ZNF215: variants seen among roughly 807,000 people sequenced by gnomAD.
ZNF215 encodes the protein BWSCR2-associated zinc finger protein 2.
In ZNF215, 24 loss-of-function variants were observed where a neutral mutation model predicts 27.2. The observed-to-expected ratio is 0.88, with a 90% CI of 0.64 to 1.24. The LOEUF is 1.24. Among genes scored for constraint, ZNF215 ranks in the 50% most tolerant of loss-of-function variants. ZNF215 has a pLI of 0.00. For missense variants in ZNF215, 675 were observed against 605.7 expected, an observed-to-expected ratio of 1.11 and a Z score of -1.20; for synonymous variants, 210 against 204.0, an observed-to-expected ratio of 1.03 and a Z score of -0.25.
chr11:6,981,881 C>T (rs529554893), intron 5 of ZNF215, among the ~76,000 whole-genome samples: 1 of 152,170 alleles, frequency 6.6e-6, no homozygotes, highest in Admixed American at 6.5e-5. Flanking sequence ...TTCCCTATTG[C>T]TTGTTTTTCT....
chr11:6,991,477 C>T (rs1851117095), downstream of ZNF215, among the ~76,000 whole-genome samples: 1 of 152,190 alleles, frequency 6.6e-6, no homozygotes, highest in Non-Finnish European at 1.5e-5. Context: ...AGGGCCCTAC[C>T]CTAGAGCCCC....
chr11:6,982,008 G>A (rs898389829), intron 5 of ZNF215, among the ~76,000 whole-genome samples: 4 of 152,086 alleles, frequency 2.6e-5, no homozygotes, highest in African/African-American at 9.7e-5. Context: ...TTTGGTTATT[G>A]TAGCCTTGTA....
rs185848018 is a variant in ZNF215 at position 6,965,071 on chromosome 11, G to T, written c.805+9289G>T. ...ACATGGGTCTTTACATGCATCATTT[G>T]TGGTGAACTCAGATGTGGCCTCCAT... On this transcript the variant is annotated intron_variant, in intron 5 of 5. Transcript: ENST00000529903. 1.8e-3 allele frequency among the ~76,000 whole-genome samples: 281 copies of T among 152,176 alleles called. 5 individuals are homozygous for T. Among genetic ancestry groups the T allele is most frequent in the Non-Finnish European group, 1.3e-3 (85 of 67,956 alleles).
chr11:6,953,089 T>G (rs1197635526), intron 6 of ZNF215, among the ~76,000 whole-genome samples: 1 of 152,212 alleles, frequency 6.6e-6, no homozygotes, highest in East Asian at 1.9e-4. Flanking sequence ...TTGTAGAGTT[T>G]CTGCCAAGAG....
chr11:6,955,489 TCTC>T (rs1850295679), intron 6 of ZNF215, among the ~76,000 whole-genome samples, 198 bp from the exon 7 acceptor site: 1 of 152,120 alleles, frequency 6.6e-6, no homozygotes, highest in Admixed American at 6.6e-5. Context: ...CCAGAATAGC[TCTC>T]CTATTTTATT....
At position 6,932,608 on chromosome 11, in the gene ZNF215, T is replaced by A; in HGVS notation, c.336T>A (p.His112Gln). 1.2e-6 allele frequency: 2 copies of A among 1,613,988 alleles called. No homozygotes were observed. Among genetic ancestry groups the A allele is most frequent in the South Asian group, 1.1e-5 (1 of 91,062 alleles). ...TCAGGACTTGGGTGAATTTACAACA[T>A]CCAAACAACAGTAAAGATATGGTGA... ...EEVRTWVNLQ[H>Q]PNNSKDMVTL... The change falls in exon 3 of 7, where the codon CAT becomes CAA. Residue 112 changes from histidine to glutamine, a missense_variant. By Grantham distance (24) the His-to-Gln change is conservative. Coordinates refer to ENST00000278319, the MANE Select transcript of ZNF215 (RefSeq NM_013250.4).
chr11:6,971,103 T>TG (rs1296645631), intron 5 of ZNF215, among the ~76,000 whole-genome samples: 2 of 150,126 alleles, frequency 1.3e-5, no homozygotes, highest in African/African-American at 4.9e-5. Flanking sequence ...GACTGTTACA[T>TG]GAAAAAAAAA....
chr11:6,953,760 T>C (rs1850194194), intron 6 of ZNF215, among the ~76,000 whole-genome samples: 1 of 152,238 alleles, frequency 6.6e-6, no homozygotes, highest in Admixed American at 6.5e-5. Flanking sequence ...CCGTCCGGCT[T>C]TGTTCCGTTG....
intron 5 of ZNF215, among the ~76,000 whole-genome samples, chr11:6,969,722 G>T (rs1850685971): frequency 6.6e-6 from 1 of 152,128 alleles, no homozygotes; most frequent in South Asian, 2.1e-4. Flanking sequence ...ATTGCAAAGA[G>T]CTTTAAACTA....
At chr11:6,971,227 C>T (rs1850712610) in intron 5 of ZNF215, among the ~76,000 whole-genome samples, 1 of 150,782 alleles carries the variant, frequency 6.6e-6, no homozygotes, top group African/African-American at 2.4e-5. Flanking sequence ...CATTGCCTAG[C>T]ACAGTGTCTG....
intron 2 of ZNF215, among the ~76,000 whole-genome samples, chr11:6,931,080 C>T (rs1011887176): frequency 1.3e-4 from 20 of 152,160 alleles, no homozygotes; most frequent in Admixed American, 1.2e-3. Context: ...TGCCAGATTT[C>T]CCCTGTTGGT....
At chr11:6,948,118 A>T (rs1032764406) in intron 6 of ZNF215, among the ~76,000 whole-genome samples, 1 of 152,100 alleles carries the variant, frequency 6.6e-6, no homozygotes, top group African/African-American at 2.4e-5. Flanking sequence ...AATAAACTCT[A>T]CTTCAGGATG....
chr11:6,979,200 AC>A (rs1426107494), intron 5 of ZNF215, among the ~76,000 whole-genome samples: 4 of 152,174 alleles, frequency 2.6e-5, no homozygotes, highest in African/African-American at 9.6e-5. Flanking sequence ...ACTCTATGAT[AC>A]TGTACTCTGA....
rs766476740 is a variant in ZNF215 at position 6,956,362 on chromosome 11, A to G, written c.1385A>G (p.Tyr462Cys). ...NPTLHFGNNF[Y>C]QCVNCGKSFN... Reference sequence around the variant, plus strand: ...ACACTCCATTTTGGAAACAATTTCTATCAATGTGTTAACTGTGGAAAATCC... The same window carrying G: ...ACACTCCATTTTGGAAACAATTTCTGTCAATGTGTTAACTGTGGAAAATCC... The change falls in exon 7 of 7, where the codon TAT becomes TGT. Residue 462 changes from tyrosine (Y) to cysteine (C), a missense_variant. Coordinates refer to ENST00000278319, the MANE Select transcript of ZNF215 (RefSeq NM_013250.4). 34 of 1,614,066 alleles carry G rather than the reference A, an allele frequency of 2.1e-5. No homozygotes were observed. The highest frequency in any genetic ancestry group is 8.9e-5 in the East Asian group (4 of 44,882).
intron 6 of ZNF215, 48 bp from the exon 7 acceptor site, chr11:6,955,642 T>C (rs757741848): frequency 3.3e-6 from 5 of 1,519,568 alleles, no homozygotes; most frequent in Non-Finnish European, 4.4e-6. Context: ...CCATTTCCTA[T>C]TGAAGCAGTT....
downstream of ZNF215, among the ~76,000 whole-genome samples, chr11:6,959,025 C>G (rs2857902): frequency 0.23 from 35,634 of 152,070 alleles, 4,491 homozygotes; most frequent in African/African-American, 0.32. Flanking sequence ...GCAACACCCT[C>G]ACAGTCACAC....
chr11:6,932,488 CT>C lies in ZNF215; in HGVS notation c.217del (p.Cys73ValfsTer5). 6.2e-7 allele frequency: 1 copy of C among 1,614,134 alleles called. No individual in the cohort carries two copies. The highest frequency in any genetic ancestry group is 1.3e-5 in the African/African-American group (1 of 75,014). ...HEALSQLWEL[C>X]LQWLRPEIHT... is the part of the protein sequence containing the mutation. Reference sequence around the variant, plus strand: ...AAGCCCTGAGCCAACTCTGGGAGCTCTGTCTTCAATGGCTGAGACCAGAGAT... The same window carrying C: ...AAGCCCTGAGCCAACTCTGGGAGCTCGTCTTCAATGGCTGAGACCAGAGAT... On this transcript the variant is annotated frameshift_variant, in exon 3 of 7. Transcript: ENST00000278319. LOFTEE classifies it high-confidence loss of function.
At chr11:6,937,784 C>G (rs955295981) in intron 3 of ZNF215, among the ~76,000 whole-genome samples, 10 of 151,850 alleles carry the variant, frequency 6.6e-5, no homozygotes, top group African/African-American at 2.2e-4. Context: ...GCTGGGACCC[C>G]TTGATTTCCA....
chr11:6,942,064 TA>T (rs1221423603), intron 4 of ZNF215, among the ~76,000 whole-genome samples: 1 of 152,110 alleles, frequency 6.6e-6, no homozygotes, highest in East Asian at 1.9e-4. Flanking sequence ...TAAGAATATT[TA>T]AGGGAGAAAT....
Sources: gnomAD v4.1 joint callset for allele counts (sites outside exome capture counted in the v4.1 genomes callset) on GRCh38, gnomAD v4.1.1 for gene constraint, MANE v1.5 for transcripts, NCBI Gene and HGNC (gene_info 2026-07-23, HGNC 2026-07-21) for gene names.